PLXDC2: variants seen among roughly 807,000 people sequenced by gnomAD.
PLXDC2 encodes the protein plexin domain-containing protein 2.
PLXDC2 carries 40 observed loss-of-function variants against 68.9 expected under a neutral mutation model. The observed-to-expected ratio is 0.58, with a 90% CI of 0.45 to 0.76. The LOEUF (loss-of-function observed/expected upper bound fraction) is 0.76, where lower values mean the gene tolerates loss of function less well. Among genes scored for constraint, PLXDC2 ranks in the 30% least tolerant of loss-of-function variants. PLXDC2 has a pLI of 0.00. For missense variants in PLXDC2, 644 were observed against 661.9 expected, an observed-to-expected ratio of 0.97 and a Z score of 0.30; for synonymous variants, 243 against 234.2, an observed-to-expected ratio of 1.04 and a Z score of -0.34.
intron 1 of PLXDC2, among the ~76,000 whole-genome samples, chr10:19,864,353 A>G (rs1235757750): frequency 1.3e-5 from 2 of 152,172 alleles, no homozygotes; most frequent in African/African-American, 4.8e-5. Flanking sequence ...CTGATTAATC[A>G]TATTTATGTT....
intron 1 of PLXDC2, among the ~76,000 whole-genome samples, chr10:19,970,689 A>G (rs1834335490): frequency 1.3e-5 from 2 of 152,186 alleles, no homozygotes; most frequent in African/African-American, 4.8e-5. Flanking sequence ...TTTGACTATG[A>G]AATTCTCAAA....
chr10:19,973,423 ATTACT>A (rs1190336966), intron 1 of PLXDC2, among the ~76,000 whole-genome samples: 1 of 142,988 alleles, frequency 7.0e-6, no homozygotes, highest in Non-Finnish European at 1.5e-5. Flanking sequence ...CAATGCACTA[ATTACT>A]TTATTGTCTT....
intron 1 of PLXDC2, among the ~76,000 whole-genome samples, chr10:19,877,120 A>T (rs72783697): frequency 0.045 from 6,791 of 152,184 alleles, 188 homozygotes; most frequent in Middle Eastern, 0.12. Flanking sequence ...AACACTAGTG[A>T]TATTCTGATA....
Position 20,280,046 on chromosome 10 carries a change from G to T in PLXDC2, c.*227G>T. 2 of 479,054 alleles carry T rather than the reference G, an allele frequency of 4.2e-6. No individual in the cohort carries two copies. Among genetic ancestry groups the T allele is most frequent in the Admixed American group, 3.6e-5 (1 of 27,588 alleles). 29.7% of individuals were successfully genotyped at this position (479,054 alleles called of 1,614,324 possible). A position where few individuals can be genotyped will look rare whatever the true frequency, so the allele number is the denominator to read the frequency against. On this transcript the variant is annotated 3_prime_UTR_variant, in exon 14 of 14. Transcript: ENST00000377252. ...TACACTGAACATAGAATTCCCTAGT[G>T]GAATGTCATCTATAGTTCACTCGGA...
chr10:20,086,192 C>G (rs11011787), intron 4 of PLXDC2, among the ~76,000 whole-genome samples: 31,411 of 151,832 alleles, frequency 0.21, 3,946 homozygotes, highest in African/African-American at 0.35. Flanking sequence ...CAGGGTTTCA[C>G]CCTGTCTCCG....
intron 4 of PLXDC2, among the ~76,000 whole-genome samples, chr10:20,082,583 C>T (rs938529562): frequency 2.0e-5 from 3 of 151,992 alleles, no homozygotes; most frequent in East Asian, 1.9e-4. Flanking sequence ...TTTTGTAGCT[C>T]GATATTTTCT....
At chr10:20,226,625 T>G (rs1835290770) in intron 12 of PLXDC2, among the ~76,000 whole-genome samples, 2 of 152,186 alleles carry the variant, frequency 1.3e-5, no homozygotes, top group Non-Finnish European at 2.9e-5. Flanking sequence ...CTTTTTCCCC[T>G]GTAGGTTAAT....
intron 1 of PLXDC2, among the ~76,000 whole-genome samples, chr10:19,883,883 A>ATTTTTTTTTTTTTTTTTTT (rs1564618531): frequency 7.2e-5 from 3 of 41,902 alleles, no homozygotes; most frequent in Admixed American, 2.1e-4. Context: ...ATCCCTTTAA[A>ATTTTTTTTTTTTTTTTTTT]CTTTTTTTTT....
rs1836983895 is a variant in PLXDC2 at position 19,845,131 on chromosome 10, A to G, written c.112+27940A>G. Among the ~76,000 whole-genome samples the G allele has an allele frequency of 3.9e-5, 6 of 152,112 alleles. No homozygotes were observed. The South Asian group carries it at 8.3e-4, about 21-fold the overall frequency. ...CCACCCCCAACCTGTGGGGCAGGTC[A>G]CTTCCCTTCTCTGCTCTCCACGTTC... is the stretch of plus-strand genomic sequence containing the variant. On this transcript the variant is annotated intron_variant, in intron 1 of 13. Transcript: ENST00000377252.
At chr10:20,188,303 C>T (rs11011844) in intron 9 of PLXDC2, among the ~76,000 whole-genome samples, 1 of 151,484 alleles carries the variant, frequency 6.6e-6, no homozygotes, top group South Asian at 2.1e-4. Context: ...ATCCTATTCT[C>T]TACTTCTATG....
intron 1 of PLXDC2, among the ~76,000 whole-genome samples, chr10:19,844,150 C>T (rs779879373): frequency 2.6e-5 from 4 of 152,182 alleles, no homozygotes; most frequent in South Asian, 4.1e-4. Context: ...GTGTTCTCAA[C>T]GTCAATTACC....
At chr10:19,924,813 G>A (rs2131383864) in intron 1 of PLXDC2, among the ~76,000 whole-genome samples, 1 of 152,252 alleles carries the variant, frequency 6.6e-6, no homozygotes, top group South Asian at 2.1e-4. Context: ...AGATATTGGT[G>A]TCTGTGTGTT....
intron 4 of PLXDC2, among the ~76,000 whole-genome samples, chr10:20,071,654 A>G (rs1191974643): frequency 6.6e-6 from 1 of 152,182 alleles, no homozygotes; most frequent in Non-Finnish European, 1.5e-5. Flanking sequence ...TGTTTCCTTT[A>G]TAAATTACCC....
chr10:20,134,186 T>C (rs1157558491), intron 4 of PLXDC2, among the ~76,000 whole-genome samples: 1 of 152,216 alleles, frequency 6.6e-6, no homozygotes, highest in Admixed American at 6.5e-5. Context: ...TTATTTTCAA[T>C]TCTTTGTCAG....
chr10:20,276,641 A>G (rs1836010421), intron 13 of PLXDC2, among the ~76,000 whole-genome samples: 1 of 152,168 alleles, frequency 6.6e-6, no homozygotes, highest in Admixed American at 6.5e-5. Flanking sequence ...TTTTCAGCAT[A>G]TATCCTGCCC....
chr10:19,981,062 C>G (rs971705987), intron 1 of PLXDC2, among the ~76,000 whole-genome samples: 5 of 152,006 alleles, frequency 3.3e-5, no homozygotes, highest in African/African-American at 1.2e-4. Flanking sequence ...TTTAAAAAAT[C>G]TTGTGTTATT....
intron 1 of PLXDC2, among the ~76,000 whole-genome samples, chr10:19,985,378 A>G (rs1226687133): frequency 1.3e-5 from 2 of 152,266 alleles, no homozygotes; most frequent in Admixed American, 6.5e-5. Flanking sequence ...ACCTTGATGC[A>G]GGAAGTTTAA....
intron 1 of PLXDC2, among the ~76,000 whole-genome samples, chr10:19,892,408 C>T (rs1308556312): frequency 6.6e-6 from 1 of 152,208 alleles, no homozygotes; most frequent in African/African-American, 2.4e-5. Context: ...CACTATGCCA[C>T]ACTACCCGCC....
At chr10:19,877,704 G>A (rs750002845) in intron 1 of PLXDC2, among the ~76,000 whole-genome samples, 6 of 152,174 alleles carry the variant, frequency 3.9e-5, no homozygotes, top group Admixed American at 1.3e-4. Flanking sequence ...CTACTCTCTC[G>A]GCCTGGCCGC....
Sources: allele counts gnomAD v4.1 joint callset (sites outside exome capture counted in the v4.1 genomes callset), GRCh38; gene constraint gnomAD v4.1.1; transcripts MANE v1.5; gene names NCBI Gene and HGNC (gene_info 2026-07-23, HGNC 2026-07-21).